The following ATIC variants were observed in gnomAD, a reference collection of about 807,000 sequenced individuals.
ATIC encodes 5-aminoimidazole-4-carboxamide ribonucleotide formyltransferase/IMP cyclohydrolase, also known as bifunctional purine biosynthesis protein ATIC.
ATIC carries 64 observed loss-of-function variants against 72.5 expected under a neutral mutation model. The ratio of observed to expected loss-of-function variants is 0.88; its 90% CI spans 0.72 to 1.09. The LOEUF (loss-of-function observed/expected upper bound fraction) is 1.09. Among genes scored for constraint, ATIC ranks in the 50% least tolerant of loss-of-function variants. The pLI is 0.00. For synonymous variants in ATIC, 281 were observed against 267.1 expected (o/e 1.05, Z -0.51); for missense variants, 787 against 732.4 (o/e 1.07, Z -0.86).
chr2:215,365,966 A>ATTTTTTT, the ATIC span, among the ~76,000 whole-genome samples: 19 of 90,326 alleles, frequency 2.1e-4, no homozygotes, highest in African/African-American at 3.3e-4. Context: ...CCACAGTGCT[A>ATTTTTTT]TTTTTTTTTT....
At chr2:215,314,742 C>T (rs1484813128) in intron 2 of ATIC, among the ~76,000 whole-genome samples, 2 of 152,010 alleles carry the variant, frequency 1.3e-5, no homozygotes, top group Admixed American at 6.6e-5. Context: ...CTCAAGTGAT[C>T]GCCCGCCTTG....
In ATIC at chr2:215,349,752, CTT is replaced by C. The variant is rs1191529494; in HGVS notation, c.*98_*99del. On this transcript the variant is annotated 3_prime_UTR_variant, in exon 16 of 16. Transcript: ENST00000236959. ...TTTTTAAAAAAATAAAACAGTATCTCTTAATCACTGGATCCATAGTTTTTGGT... is the reference window on the plus strand; with the variant it reads ...TTTTTAAAAAAATAAAACAGTATCTCAATCACTGGATCCATAGTTTTTGGT... 3.8e-6 allele frequency: 6 copies of C among 1,595,580 alleles called. No homozygotes were observed. The highest frequency in any genetic ancestry group is 3.3e-5 in the Admixed American group (2 of 59,888).
chr2:215,346,478 CTT>C (rs112969952), intron 13 of ATIC, among the ~76,000 whole-genome samples: 43 of 144,472 alleles, frequency 3.0e-4, no homozygotes, highest in Non-Finnish European at 2.1e-4. Context: ...TTTATTTTAA[CTT>C]TTTTTTTTTT....
Position 215,326,836 on chromosome 2 carries a change from G to A in ATIC, c.546G>A (p.Thr182=). 1 of 1,613,972 alleles carries A rather than the reference G, an allele frequency of 6.2e-7. No individual in the cohort carries two copies. The highest frequency in any genetic ancestry group is 8.5e-7 in the Non-Finnish European group (1 of 1,180,024). The change falls in exon 7 of 16, where the codon ACG becomes ACA. Residue 182 remains threonine, a synonymous_variant. Transcript: ENST00000236959. ...GCTTTTTGTAGGCATTCACTCATAC[G>A]GCACAATATGATGAAGCAATTTCAG... is the stretch of plus-strand genomic sequence containing the variant. ...RQLALKAFTH[T]AQYDEAISDY...
chr2:215,318,615 C>CT (rs2052734894), intron 3 of ATIC, among the ~76,000 whole-genome samples: 1 of 151,848 alleles, frequency 6.6e-6, no homozygotes, highest in African/African-American at 2.4e-5. Flanking sequence ...TTTCAAAGTG[C>CT]TTTACATTTG....
chr2:215,318,245 G>T lies in ATIC; in HGVS notation c.223+12G>T, dbSNP rs754477465. On this transcript the variant is annotated intron_variant, in intron 3 of 15. Coordinates refer to ENST00000236959, the MANE Select transcript of ATIC (RefSeq NM_004044.7). ...TGCAGTCCATGCTGGTAAGTGGTTG[G>T]TATCTTTAATGTAAAAACAGTCAGT... 3 of 1,609,490 alleles carry T rather than the reference G, an allele frequency of 1.9e-6. No homozygotes were observed. The highest frequency in any genetic ancestry group is 2.6e-6 in the Non-Finnish European group (3 of 1,175,882).
At chr2:215,340,250 T>C (rs2053005149) in intron 12 of ATIC, among the ~76,000 whole-genome samples, 1 of 152,198 alleles carries the variant, frequency 6.6e-6, no homozygotes, top group Admixed American at 6.5e-5. Flanking sequence ...CTTAGGTCAC[T>C]CTATGGGGGT....
chr2:215,325,595 C>A (rs2052814371), intron 5 of ATIC, among the ~76,000 whole-genome samples: 1 of 151,526 alleles, frequency 6.6e-6, no homozygotes, highest in African/African-American at 2.4e-5. Context: ...TGAAGTCTTG[C>A]TGTGTCACCC....
Position 215,326,811 on chromosome 2 carries a change from G to A in ATIC, c.532-11G>A, listed in dbSNP as rs776544990. ...GCTGCTCGTGTCTCACAAAACTTACGCTTTTTGTAGGCATTCACTCATACG... is the reference window on the plus strand; with the variant it reads ...GCTGCTCGTGTCTCACAAAACTTACACTTTTTGTAGGCATTCACTCATACG... On this transcript the variant is annotated splice_polypyrimidine_tract_variant and intron_variant, in intron 6 of 15. Transcript: ENST00000236959. 8.1e-6 allele frequency: 13 copies of A among 1,613,722 alleles called. No homozygotes were observed. Among genetic ancestry groups the A allele is most frequent in the South Asian group, 6.6e-5 (6 of 91,070 alleles).
At chr2:215,327,735 G>C (rs1291374927) in intron 7 of ATIC, among the ~76,000 whole-genome samples, 1 of 152,118 alleles carries the variant, frequency 6.6e-6, no homozygotes, top group Non-Finnish European at 1.5e-5. Context: ...TTCCTGCCTG[G>C]GGCGGTCAGC....
At chr2:215,349,020 G>A (rs1191412575) in intron 14 of ATIC, 74 bp from the exon 15 acceptor site, 6 of 1,487,818 alleles carry the variant, frequency 4.0e-6, no homozygotes, top group Non-Finnish European at 5.5e-6. Flanking sequence ...GTGCTTTCTG[G>A]CATGGTGATT....
chr2:215,312,146 G>T lies in ATIC; in HGVS notation c.4G>T (p.Ala2Ser), dbSNP rs925347526. Residue 2 changes from alanine (A) to serine (S), a missense_variant, in exon 1 of 16, where the codon GCT becomes TCT. Transcript: ENST00000236959. M[A>S]PGQLALFSVS... ...CCTGAACCCAGTGCCTGCAGCCATG[G>T]CTCCCGGCCAGCTCGGTGAGGCCCT... 2.0e-6 allele frequency: 3 copies of T among 1,524,110 alleles called. No homozygotes were observed. Among genetic ancestry groups the T allele is most frequent in the Non-Finnish European group, 2.6e-6 (3 of 1,142,660 alleles). 94.4% of individuals were successfully genotyped at this position (1,524,110 alleles called of 1,614,324 possible). A position where few individuals can be genotyped will look rare whatever the true frequency, so the allele number is the denominator to read the frequency against.
chr2:215,346,218 G>A (rs554330800), intron 13 of ATIC, among the ~76,000 whole-genome samples: 32 of 152,280 alleles, frequency 2.1e-4, no homozygotes, highest in Non-Finnish European at 4.3e-4. Flanking sequence ...CCAGAGTACA[G>A]TGACATGATC....
downstream of ATIC, among the ~76,000 whole-genome samples, chr2:215,352,706 ATC>A (rs1201410367): frequency 6.6e-6 from 1 of 152,158 alleles, no homozygotes; most frequent in Non-Finnish European, 1.5e-5. Flanking sequence ...TCACCTTTAG[ATC>A]TCTCCCAATG....
At chr2:215,347,418 C>G (rs147864918) in intron 14 of ATIC, among the ~76,000 whole-genome samples, 1 of 152,266 alleles carries the variant, frequency 6.6e-6, no homozygotes, top group East Asian at 1.9e-4. Flanking sequence ...TGTTACATTT[C>G]ATGTTCTTCT....
chr2:215,320,039 T>C (rs1040203602), intron 4 of ATIC, among the ~76,000 whole-genome samples: 1 of 152,234 alleles, frequency 6.6e-6, no homozygotes, highest in Non-Finnish European at 1.5e-5. Context: ...GCAGGTAACA[T>C]GCCAGTTGAG....
intron 7 of ATIC, among the ~76,000 whole-genome samples, chr2:215,330,556 C>T (rs574268144): frequency 1.3e-5 from 2 of 152,220 alleles, no homozygotes; most frequent in African/African-American, 4.8e-5. Context: ...GTTGTACATT[C>T]TGTGTATTTG....
the ATIC span, among the ~76,000 whole-genome samples, chr2:215,357,176 G>A: frequency 6.6e-6 from 1 of 152,204 alleles, no homozygotes; most frequent in African/African-American, 2.4e-5. Context: ...TCATTGTAAA[G>A]TCTTGTCCAG....
chr2:215,357,355 A>G, the ATIC span, among the ~76,000 whole-genome samples: 1 of 152,150 alleles, frequency 6.6e-6, no homozygotes, highest in Non-Finnish European at 1.5e-5. Flanking sequence ...CCAGTCCATC[A>G]TTCTGGGCTG....
Sources: allele counts gnomAD v4.1 joint callset (sites outside exome capture counted in the v4.1 genomes callset), GRCh38; gene constraint gnomAD v4.1.1; transcripts MANE v1.5; gene names NCBI Gene and HGNC (gene_info 2026-07-23, HGNC 2026-07-21).